KIF5B: variants seen among roughly 807,000 people sequenced by gnomAD.
KIF5B encodes the protein kinesin family member 5B.
KIF5B carries 49 observed loss-of-function variants against 132.8 expected under a neutral mutation model. That is an observed-to-expected ratio of 0.37 (90% CI 0.29 to 0.47). The LOEUF (loss-of-function observed/expected upper bound fraction) is 0.47. KIF5B is among the 20% of genes least tolerant of loss of function. KIF5B has a pLI of 1.00. For missense variants in KIF5B, 780 were observed against 1,144.0 expected (o/e 0.68, Z 4.59); for synonymous variants, 355 against 369.4 (o/e 0.96, Z 0.45).
chr10:32,029,692 A>G (rs1332096860), intron 14 of KIF5B, among the ~76,000 whole-genome samples: 3 of 152,224 alleles, frequency 2.0e-5, no homozygotes, highest in African/African-American at 7.2e-5. Context: ...TCTAACTCCT[A>G]TTATCAATGT....
In KIF5B at chr10:32,056,175, C is replaced by T. The variant is rs1386689308; in HGVS notation, c.-202G>A. 3.5e-6 allele frequency: 2 copies of T among 565,850 alleles called. No individual in the cohort carries two copies. The highest frequency in any genetic ancestry group is 6.0e-6 in the Non-Finnish European group (2 of 331,552). The allele number at this position is 565,850 out of a possible 1,614,324, so 35.1% of individuals were successfully genotyped here. ...GCCGGCAGCCGTTAACCCTAATGCT[C>T]ACTTCCGATCCATCATGGCAGCCAT... On this transcript the variant is annotated 5_prime_UTR_variant, in exon 1 of 26. It removes the in-frame stop codon of an upstream open reading frame in the 5' UTR. Transcript: ENST00000302418.
In KIF5B at chr10:32,025,506, G is replaced by C. The variant is rs529991030; in HGVS notation, c.1726-2470C>G. Among the ~76,000 whole-genome samples, 3 of 152,254 alleles carry C rather than the reference G, an allele frequency of 2.0e-5. No individual in the cohort carries two copies. In the East Asian group the frequency reaches 5.8e-4, roughly 29 times the overall value. On this transcript the variant is annotated intron_variant, in intron 15 of 25. Coordinates refer to ENST00000302418, the MANE Select transcript of KIF5B (RefSeq NM_004521.3). The stretch of plus-strand genomic sequence containing the variant: ...TTCTCGTGCCTTAGCCTCCCAAATA[G>C]CTGGGACTATAGGCGTGCACCACTA...
chr10:32,018,025 G>T, intron 23 of KIF5B, 27 bp downstream of exon 23: 2 of 1,282,786 alleles, frequency 1.6e-6, no homozygotes, highest in South Asian at 1.4e-5. Context: ...CTATCTTGCA[G>T]CTACCAGAAA....
At position 32,022,932 on chromosome 10, in the gene KIF5B, C is replaced by T; in HGVS notation, c.1830G>A (p.Gln610=). The part of the protein sequence containing the change: ...EVKTMVKRCK[Q]LESTQTESNK... ...TGCTCTCAGTTTGTGTGCTTTCTAA[C>T]TGCTTGCAACGTTTCACCATGGTTT... Residue 610 remains glutamine, a synonymous_variant, in exon 16 of 26, where the codon CAG becomes CAA. Transcript: ENST00000302418. 1 of 1,613,526 alleles carries T rather than the reference C, an allele frequency of 6.2e-7. No individual in the cohort carries two copies. The highest frequency in any genetic ancestry group is 8.5e-7 in the Non-Finnish European group (1 of 1,179,614).
At chr10:32,024,051 TAAAAAAAAAAAACAAA>T (rs1258698940) in intron 15 of KIF5B, among the ~76,000 whole-genome samples, 5 of 63,398 alleles carry the variant, frequency 7.9e-5, no homozygotes, top group Non-Finnish European at 1.2e-4. Flanking sequence ...ACGTTGAGAG[TAAAAAAAAAAAACAAA>T]AAAAAAAAAA....
At chr10:32,011,967 G>GGT (rs1233208333) in intron 25 of KIF5B, among the ~76,000 whole-genome samples, 11 of 152,016 alleles carry the variant, frequency 7.2e-5, no homozygotes, top group African/African-American at 2.2e-4. Context: ...ATAAACAAGA[G>GGT]GTGTATACAG....
At position 32,018,101 on chromosome 10, in the gene KIF5B, AT is replaced by A; in HGVS notation, c.2494del (p.Ile832SerfsTer43). Reference sequence around the variant, plus strand: ...TTCAAGATTATTTTCAAGAAAGGAGATTTTTTGCTTCTGAGCAGCGCTGCCT... The same window carrying A: ...TTCAAGATTATTTTCAAGAAAGGAGATTTTTGCTTCTGAGCAGCGCTGCCT... ...TGGSAAQKQK[I>X]SFLENNLEQL... is the part of the protein sequence containing the mutation. On this transcript the variant is annotated frameshift_variant, in exon 23 of 26. Transcript: ENST00000302418. LOFTEE classifies it high-confidence loss of function. 1 of 1,612,062 alleles carries A rather than the reference AT, an allele frequency of 6.2e-7. No individual in the cohort carries two copies. Among genetic ancestry groups the A allele is most frequent in the Non-Finnish European group, 8.5e-7 (1 of 1,178,572 alleles).
intron 24 of KIF5B, among the ~76,000 whole-genome samples, 157 bp downstream of exon 24, chr10:32,016,986 A>G (rs1209222778): frequency 6.6e-6 from 1 of 152,154 alleles, no homozygotes; most frequent in East Asian, 1.9e-4. Context: ...TTTTTCTGCT[A>G]ATGTGATTAT....
At chr10:32,027,112 T>C (rs535253424) in intron 15 of KIF5B, among the ~76,000 whole-genome samples, 2 of 152,338 alleles carry the variant, frequency 1.3e-5, no homozygotes, top group South Asian at 2.1e-4. Context: ...AAGATGGAAA[T>C]GTGTACTCCA....
Position 32,034,024 on chromosome 10 carries a change from T to C in KIF5B, c.1126A>G (p.Ile376Val), listed in dbSNP as rs190199916. The C allele has an allele frequency of 2.2e-5, 34 of 1,577,414 alleles. 2 individuals carry two copies. The highest frequency in any genetic ancestry group is 2.3e-5 in the East Asian group (1 of 43,130). ...NRWRNGETVP[I>V]DEQFDKEKAN... is the part of the protein sequence containing the mutation. ...TTCTCTTTGTCAAACTGTTCATCAA[T>C]AGGCACCGTCTCCCCTAAAATAAGA... The change falls in exon 12 of 26, where the codon ATT (isoleucine) becomes GTT (valine). Residue 376 changes from isoleucine to valine, a missense_variant. This residue lies in a region of KIF5B where 471 missense variants were observed against 569.9 expected (regional missense o/e 0.83). Transcript: ENST00000302418.
At chr10:32,036,281 G>C (rs905165567) in intron 8 of KIF5B, among the ~76,000 whole-genome samples, 2 of 152,140 alleles carry the variant, frequency 1.3e-5, no homozygotes, top group Non-Finnish European at 2.9e-5. Flanking sequence ...TGCTACATTA[G>C]AAAACAGGAA....
chr10:32,025,905 T>C (rs1296266014), intron 15 of KIF5B, among the ~76,000 whole-genome samples: 2 of 152,214 alleles, frequency 1.3e-5, no homozygotes, highest in Non-Finnish European at 2.9e-5. Flanking sequence ...ATTCCAACTA[T>C]ATAACATTTT....
intron 1 of KIF5B, 70 bp downstream of exon 1, chr10:32,055,778 A>G: frequency 6.3e-7 from 1 of 1,575,010 alleles, no homozygotes; most frequent in Non-Finnish European, 8.6e-7. Flanking sequence ...GCACCCTGCC[A>G]CTTCCCTAAA....
At chr10:32,049,671 C>T (rs1287776412) in intron 1 of KIF5B, among the ~76,000 whole-genome samples, 1 of 151,868 alleles carries the variant, frequency 6.6e-6, no homozygotes, top group East Asian at 1.9e-4. Context: ...ATACTGGGGA[C>T]TCCATGGACC....
At chr10:32,011,846 T>C (rs1841086029) in intron 25 of KIF5B, among the ~76,000 whole-genome samples, 1 of 152,080 alleles carries the variant, frequency 6.6e-6, no homozygotes, top group Non-Finnish European at 1.5e-5. Context: ...ACGGCTAATC[T>C]TTTAACCAGC....
intron 1 of KIF5B, among the ~76,000 whole-genome samples, chr10:32,050,435 A>G (rs72777104): frequency 1.4e-3 from 213 of 152,288 alleles, no homozygotes; most frequent in Non-Finnish European, 2.3e-3. Context: ...ATCTCAGCTA[A>G]AACTGCCCTT....
chr10:32,048,297 A>G (rs1841641128), intron 2 of KIF5B, among the ~76,000 whole-genome samples, 167 bp downstream of exon 2: 1 of 152,214 alleles, frequency 6.6e-6, no homozygotes, highest in South Asian at 2.1e-4. Context: ...TGAGCAATAG[A>G]ATATTTACTA....
At chr10:32,035,137 C>CA (rs948516266) in intron 10 of KIF5B, among the ~76,000 whole-genome samples, 1 of 152,036 alleles carries the variant, frequency 6.6e-6, no homozygotes, top group Non-Finnish European at 1.5e-5. Flanking sequence ...TGTTGAAAGT[C>CA]AAAGACGGAA....
At chr10:32,024,063 AC>A (rs1471110011) in intron 15 of KIF5B, among the ~76,000 whole-genome samples, 4 of 74,194 alleles carry the variant, frequency 5.4e-5, no homozygotes, top group African/African-American at 1.2e-4. Context: ...AAAAAAAAAA[AC>A]AAAAAAAAAA....
Sources: gnomAD v4.1 joint callset for allele counts (sites outside exome capture counted in the v4.1 genomes callset) on GRCh38, gnomAD v4.1.1 for gene constraint, gnomAD v4.1.1 regional missense constraint, MANE v1.5 for transcripts, NCBI Gene and HGNC (gene_info 2026-07-23, HGNC 2026-07-21) for gene names.